TWIST2: variants seen among roughly 807,000 people sequenced by gnomAD.
The protein encoded by TWIST2 is twist-related protein 2.
Under a neutral mutation model 11.6 loss-of-function variants are expected in TWIST2, and 1 was observed. The observed-to-expected ratio is 0.09, with a 90% CI of 0.03 to 0.41. TWIST2 has a LOEUF of 0.41. TWIST2 is among the 10% of genes least tolerant of loss of function. TWIST2 has a pLI of 0.98. For missense variants in TWIST2, 168 were observed against 226.4 expected (o/e 0.74, Z 1.66); for synonymous variants, 87 against 96.6 (o/e 0.90, Z 0.58).
At chr2:238,901,365 TCTC>T (rs1209303035) in intron 1 of TWIST2, among the ~76,000 whole-genome samples, 7 of 152,166 alleles carry the variant, frequency 4.6e-5, no homozygotes, top group Admixed American at 1.3e-4. Flanking sequence ...TTTTAAAACT[TCTC>T]CTTCTATTTG....
At chr2:238,877,253 A>G (rs1435251867) in intron 1 of TWIST2, among the ~76,000 whole-genome samples, 2 of 152,164 alleles carry the variant, frequency 1.3e-5, no homozygotes, top group Non-Finnish European at 2.9e-5. Context: ...AAAAGTCAGC[A>G]GGTTTCTCGC....
intron 1 of TWIST2, among the ~76,000 whole-genome samples, chr2:238,860,921 G>A (rs1375764400): frequency 3.3e-5 from 5 of 152,180 alleles, no homozygotes; most frequent in Admixed American, 1.3e-4. Context: ...CTGGGTGACA[G>A]AGCAAGACTC....
intron 1 of TWIST2, among the ~76,000 whole-genome samples, chr2:238,865,836 A>G (rs915520360): frequency 6.6e-6 from 1 of 152,106 alleles, no homozygotes; most frequent in African/African-American, 2.4e-5. Context: ...CAATCCCCAC[A>G]GTCTGTGCGA....
rs983190371 is a variant in TWIST2, at chr2:238,857,358, G to T, written c.*35+8625G>T. On this transcript the variant is annotated intron_variant, in intron 1 of 1. Transcript: ENST00000612363. ...GAATGTCTGAGCATGAGCCCAGCAC[G>T]GCTCAGCATTTGCCAAGGTTAAGGA... is the stretch of plus-strand genomic sequence containing the variant. Among the ~76,000 whole-genome samples the T allele has an allele frequency of 3.3e-5, 5 of 152,294 alleles. No homozygotes were observed. In the South Asian group the frequency reaches 1.0e-3, roughly 32 times the overall value.
At chr2:238,890,950 T>A (rs1237856503) in intron 1 of TWIST2, among the ~76,000 whole-genome samples, 1 of 152,190 alleles carries the variant, frequency 6.6e-6, no homozygotes, top group East Asian at 1.9e-4. Context: ...TAGTCTCACC[T>A]GCACCCCGGG....
chr2:238,876,365 A>G (rs532248182), intron 1 of TWIST2, among the ~76,000 whole-genome samples: 3 of 152,344 alleles, frequency 2.0e-5, no homozygotes, highest in Admixed American at 2.0e-4. Context: ...AAGAGACTGC[A>G]GGCTCCAAGT....
intron 1 of TWIST2, among the ~76,000 whole-genome samples, chr2:238,896,954 G>A (rs1693214458): frequency 6.6e-6 from 1 of 152,040 alleles, no homozygotes; most frequent in Non-Finnish European, 1.5e-5. Context: ...ACACCCCAGG[G>A]GGAGGGAGGC....
intron 1 of TWIST2, among the ~76,000 whole-genome samples, chr2:238,895,090 C>T (rs1049860645): frequency 5.3e-5 from 8 of 152,224 alleles, no homozygotes; most frequent in East Asian, 1.9e-4. Flanking sequence ...TATTTTCGTT[C>T]GCTGCTGCTG....
chr2:238,896,279 A>C (rs1343366295), intron 1 of TWIST2, among the ~76,000 whole-genome samples: 2 of 152,164 alleles, frequency 1.3e-5, no homozygotes, highest in Non-Finnish European at 2.9e-5. Flanking sequence ...CGTGCCATCA[A>C]AGCAGACAGG....
chr2:238,849,243 A>G (rs897002686), intron 1 of TWIST2, among the ~76,000 whole-genome samples: 10 of 152,106 alleles, frequency 6.6e-5, no homozygotes, highest in African/African-American at 2.4e-4. Flanking sequence ...GGACACTCAG[A>G]TCTACCCAGC....
intron 1 of TWIST2, among the ~76,000 whole-genome samples, chr2:238,849,729 C>T (rs1170158683): frequency 1.3e-5 from 2 of 152,212 alleles, no homozygotes; most frequent in Non-Finnish European, 2.9e-5. Flanking sequence ...GCGATTAGGG[C>T]GTCCTGCACC....
chr2:238,859,212 C>CAAAAAAAAAAAAAAAAAAAAAAAAAA (rs544641770), intron 1 of TWIST2, among the ~76,000 whole-genome samples: 1 of 139,574 alleles, frequency 7.2e-6, no homozygotes. Flanking sequence ...CACTCCGTCT[C>CAAAAAAAAAAAAAAAAAAAAAAAAAA]AAAAAAAAAA....
chr2:238,857,847 G>GA (rs1692358718), intron 1 of TWIST2, among the ~76,000 whole-genome samples: 1 of 152,154 alleles, frequency 6.6e-6, no homozygotes, highest in South Asian at 2.1e-4. Context: ...TGAGGCAGGA[G>GA]AATCACTTGA....
Position 238,892,802 on chromosome 2 carries a change from T to G in TWIST2, c.*36-17040T>G, listed in dbSNP as rs112337384. 3.5e-3 allele frequency among the ~76,000 whole-genome samples: 533 copies of G among 152,296 alleles called. 5 individuals carry two copies. The highest frequency in any genetic ancestry group is 0.011 in the African/African-American group (457 of 41,568). On this transcript the variant is annotated intron_variant, in intron 1 of 1. Coordinates refer to ENST00000612363, the MANE Select transcript of TWIST2 (RefSeq NM_001271893.4). ...GGCCTTCTAATATGTTTTTTTCCAA[T>G]CACCACCACAGGCCTCTACTAGCTG...
chr2:238,889,654 C>G (rs1414894892), intron 1 of TWIST2, among the ~76,000 whole-genome samples: 1 of 152,216 alleles, frequency 6.6e-6, no homozygotes, highest in African/African-American at 2.4e-5. Context: ...CCTGAGTTAT[C>G]TAAGCTGCAG....
At chr2:238,908,834 GGT>G (rs1310767253) in intron 1 of TWIST2, among the ~76,000 whole-genome samples, 5 of 137,632 alleles carry the variant, frequency 3.6e-5, no homozygotes, top group South Asian at 2.6e-4. Flanking sequence ...TGTGGTGTGT[GGT>G]GTGTGTGATG....
At chr2:238,879,472 G>C (rs1441996465) in intron 1 of TWIST2, among the ~76,000 whole-genome samples, 2 of 152,100 alleles carry the variant, frequency 1.3e-5, no homozygotes, top group African/African-American at 4.8e-5. Context: ...CCCTCCAGCC[G>C]GGACTACCTG....
chr2:238,909,863 G>T lies in TWIST2; in HGVS notation c.*57G>T, dbSNP rs1693424676. 5.3e-5 allele frequency: 8 copies of T among 152,194 alleles called. 1 individual carries two copies. Among genetic ancestry groups the T allele is most frequent in the Non-Finnish European group, 1.2e-4 (8 of 68,048 alleles). The allele number at this position is 152,194 out of a possible 1,614,324, so 9.4% of individuals were successfully genotyped here. ...CCAGGCTGTCCGTCGCGTCGGCGGC[G>T]CAAGTGGAATTGGGATGCATTCGAG... is the stretch of plus-strand genomic sequence containing the variant. On this transcript the variant is annotated 3_prime_UTR_variant, in exon 2 of 2. Coordinates refer to ENST00000612363, the MANE Select transcript of TWIST2 (RefSeq NM_001271893.4).
chr2:238,895,066 A>C (rs2106370918), intron 1 of TWIST2, among the ~76,000 whole-genome samples: 1 of 152,332 alleles, frequency 6.6e-6, no homozygotes, highest in South Asian at 2.1e-4. Context: ...CGACACCGGC[A>C]GCCCTTCTGT....
Sources: gnomAD v4.1 joint callset for allele counts (sites outside exome capture counted in the v4.1 genomes callset) on GRCh38, gnomAD v4.1.1 for gene constraint, MANE v1.5 for transcripts, NCBI Gene and HGNC (gene_info 2026-07-23, HGNC 2026-07-21) for gene names.